The following OVOL2 variants were observed in gnomAD, a reference collection of about 807,000 sequenced individuals.
OVOL2 encodes transcription factor Ovo-like 2.
Under a neutral mutation model 18.1 loss-of-function variants are expected in OVOL2, and 13 were observed. That is an observed-to-expected ratio of 0.72 (90% CI 0.47 to 1.14). OVOL2 has a LOEUF of 1.14. OVOL2 is among the 50% of genes most tolerant of loss of function. OVOL2 has a pLI of 0.00. For synonymous variants in OVOL2, 166 were observed against 162.7 expected (o/e 1.02, Z -0.16); for missense variants, 335 against 383.0 (o/e 0.87, Z 1.05).
At chr20:18,035,881 C>T (rs76500537) in intron 3 of OVOL2, among the ~76,000 whole-genome samples, 18,354 of 152,146 alleles carry the variant, frequency 0.12, 1,210 homozygotes, top group Middle Eastern at 0.16. Flanking sequence ...TATAAGTTAA[C>T]GTTTTGTAGA....
chr20:18,032,902 T>C (rs753505051), intron 3 of OVOL2, among the ~76,000 whole-genome samples: 2 of 152,242 alleles, frequency 1.3e-5, no homozygotes, highest in Non-Finnish European at 1.5e-5. Flanking sequence ...GAAGGGAGTT[T>C]ACATTTTTTT....
chr20:18,057,572 C>T lies in OVOL2; in HGVS notation c.63G>A (p.Glu21=), dbSNP rs1377920184. 1 of 1,596,290 alleles carries T rather than the reference C, an allele frequency of 6.3e-7. No individual in the cohort carries two copies. Among genetic ancestry groups the T allele is most frequent in the Admixed American group, 1.7e-5 (1 of 58,220 alleles). The change falls in exon 1 of 4, where the codon GAG becomes GAA. Residue 21 remains glutamate, a synonymous_variant. Coordinates refer to ENST00000278780, the MANE Select transcript of OVOL2 (RefSeq NM_021220.4). This position sits in a 1 kb window ranked among gnomAD's most constrained non-coding sequence, Gnocchi z 6.3. ...SLGVSVRSWD[E]LPDEKRADTY... is the part of the protein sequence containing the mutation. ...TGTCTGCCCTTTTCTCATCCGGGAG[C>T]TCATCCCAGCTGCGGACCGAGACCC...
At chr20:18,045,966 A>G (rs1461089358) in intron 2 of OVOL2, among the ~76,000 whole-genome samples, 1 of 152,206 alleles carries the variant, frequency 6.6e-6, no homozygotes, top group African/African-American at 2.4e-5. Context: ...AAGCTGAGTC[A>G]CCAAGAAGTG....
chr20:18,053,019 T>C (rs2036783515), intron 2 of OVOL2, among the ~76,000 whole-genome samples: 3 of 152,198 alleles, frequency 2.0e-5, no homozygotes, highest in African/African-American at 7.2e-5. Flanking sequence ...GTTTGGCAAA[T>C]TACAGAATTC....
chr20:18,045,583 G>A (rs1286737834), intron 2 of OVOL2, among the ~76,000 whole-genome samples: 1 of 152,206 alleles, frequency 6.6e-6, no homozygotes, highest in Non-Finnish European at 1.5e-5. Context: ...GACAATTTAA[G>A]GGAGTACAGG....
rs1236919839 is a variant in OVOL2 at position 18,041,575 on chromosome 20, T to A, written c.470A>T (p.Asn157Ile). 2 of 1,614,036 alleles carry A rather than the reference T, an allele frequency of 1.2e-6. No homozygotes were observed. Among genetic ancestry groups the A allele is most frequent in the Non-Finnish European group, 1.7e-6 (2 of 1,179,950 alleles). The part of the protein sequence containing the change: ...HLCTFCGKGF[N>I]DTFDLKRHVR... ...GTGCCTCTTCAGGTCGAAGGTGTCGTTGAAGCCCTTGCCGCAGAAGGTGCA... is the reference window on the plus strand; with the variant it reads ...GTGCCTCTTCAGGTCGAAGGTGTCGATGAAGCCCTTGCCGCAGAAGGTGCA... The change falls in exon 3 of 4, where the codon AAC becomes ATC. Residue 157 changes from asparagine to isoleucine, a missense_variant. Asn to Ile is a moderately radical substitution (Grantham distance 149). Coordinates refer to ENST00000278780, the MANE Select transcript of OVOL2 (RefSeq NM_021220.4).
intron 2 of OVOL2, among the ~76,000 whole-genome samples, chr20:18,055,455 T>C (rs888933991): frequency 1.3e-5 from 2 of 152,178 alleles, no homozygotes; most frequent in African/African-American, 4.8e-5. Flanking sequence ...CAGCTGACTT[T>C]GAACCTCACC....
chr20:18,039,620 AAAG>A lies in OVOL2; in HGVS notation c.511+1911_511+1913del, dbSNP rs1178658197. On this transcript the variant is annotated intron_variant, in intron 3 of 3. Transcript: ENST00000278780. Reference sequence around the variant, plus strand: ...AAGACGCTGTCTCAAAAAAAAAAAAAAAGAAAGAAAGAAAGAAAGAAAAGAAAA... The same window carrying A: ...AAGACGCTGTCTCAAAAAAAAAAAAAAAAGAAAGAAAGAAAGAAAAGAAAA... Among the ~76,000 whole-genome samples the A allele has an allele frequency of 9.3e-4, 118 of 126,872 alleles. 2 individuals carry two copies. The highest frequency in any genetic ancestry group is 3.5e-3 in the African/African-American group (107 of 30,548). The allele number at this position is 126,872 out of a possible 152,430, so 83.2% of individuals were successfully genotyped here. A position where few individuals can be genotyped will look rare whatever the true frequency, so the allele number is the denominator to read the frequency against.
Position 18,056,540 on chromosome 20 carries a change from G to C in OVOL2, c.321+117C>G, listed in dbSNP as rs2036826988. The C allele has an allele frequency of 9.2e-7, 1 of 1,092,388 alleles. No individual in the cohort carries two copies. Among genetic ancestry groups the C allele is most frequent in the Non-Finnish European group, 1.1e-6 (1 of 900,080 alleles). 67.7% of individuals were successfully genotyped at this position (1,092,388 alleles called of 1,614,324 possible). On this transcript the variant is annotated intron_variant, in intron 2 of 3. Coordinates refer to ENST00000278780, the MANE Select transcript of OVOL2 (RefSeq NM_021220.4). This position sits in a 1 kb window ranked among gnomAD's most constrained non-coding sequence, Gnocchi z 4.2. The stretch of plus-strand genomic sequence containing the variant: ...GGTGCAGGAGCGGCGCGGCGGGCGC[G>C]CTCGGGGCGCGGGTGCCGGGTTGCG...
Position 18,056,669 on chromosome 20 carries a change from T to C in OVOL2, c.309A>G (p.Arg103=). 1 of 1,428,402 alleles carries C rather than the reference T, an allele frequency of 7.0e-7. No individual in the cohort carries two copies. The highest frequency in any genetic ancestry group is 1.5e-5 in the African/African-American group (1 of 66,138). 88.5% of individuals were successfully genotyped at this position (1,428,402 alleles called of 1,614,324 possible). A position where few individuals can be genotyped will look rare whatever the true frequency, so the allele number is the denominator to read the frequency against. ...GTCGACACAGTACCTTGATTTTCGA[T>C]CTGGCGACCGGGCGCTGCTTGGTCG... ...HLATKQRPVA[R]SKIKFTTGTC... The change falls in exon 2 of 4, where the codon AGA becomes AGG. Residue 103 remains arginine, a synonymous_variant. Transcript: ENST00000278780. This position sits in a 1 kb window ranked among gnomAD's most constrained non-coding sequence, Gnocchi z 4.2.
chr20:18,035,037 C>T (rs1171370486), intron 3 of OVOL2, among the ~76,000 whole-genome samples: 2 of 152,192 alleles, frequency 1.3e-5, no homozygotes, highest in African/African-American at 2.4e-5. Flanking sequence ...CAAACATACC[C>T]CTCATTTAAC....
chr20:18,029,759 C>A (rs1342236288), intron 3 of OVOL2, among the ~76,000 whole-genome samples: 1 of 152,138 alleles, frequency 6.6e-6, no homozygotes, highest in Admixed American at 6.5e-5. Flanking sequence ...AGGAGGATCT[C>A]TTGAGTCCAG....
chr20:18,029,429 A>C (rs1407330608), intron 3 of OVOL2, among the ~76,000 whole-genome samples: 1 of 152,220 alleles, frequency 6.6e-6, no homozygotes, highest in Admixed American at 6.5e-5. Context: ...GTGTGCAGCC[A>C]AGTATGAAAA....
intron 2 of OVOL2, among the ~76,000 whole-genome samples, chr20:18,051,852 CATCCTGAGT>C (rs1387996034): frequency 6.6e-6 from 1 of 152,230 alleles, no homozygotes; most frequent in Non-Finnish European, 1.5e-5. Context: ...CCTGCCTCAG[CATCCTGAGT>C]AGCCTGAATT....
chr20:18,041,757 G>A (rs1368378617), intron 2 of OVOL2, 34 bp from the exon 3 acceptor site: 1 of 1,587,814 alleles, frequency 6.3e-7, no homozygotes, highest in Admixed American at 1.7e-5. Flanking sequence ...GGGTCCCCGG[G>A]CAGGCAGGCA....
chr20:18,039,293 A>G (rs2036647310), intron 3 of OVOL2, among the ~76,000 whole-genome samples: 2 of 152,164 alleles, frequency 1.3e-5, no homozygotes, highest in African/African-American at 4.8e-5. Context: ...GCACTTTTCT[A>G]GATGTATGTT....
In OVOL2 at chr20:18,056,018, G is replaced by C. The variant is rs1053742837; in HGVS notation, c.321+639C>G. ...GGAGGAAACACTCCAATCCACTGGG[G>C]TAGGGGCGCTCGAGAAATCTGTAGT... On this transcript the variant is annotated intron_variant, in intron 2 of 3. Transcript: ENST00000278780. This position sits in a 1 kb window ranked among gnomAD's most constrained non-coding sequence, Gnocchi z 4.2. Among the ~76,000 whole-genome samples the C allele has an allele frequency of 6.6e-6, 1 of 152,216 alleles. No homozygotes were observed. Among genetic ancestry groups the C allele is most frequent in the African/African-American group, 2.4e-5 (1 of 41,460 alleles).
chr20:18,035,677 G>GC (rs1405718171), intron 3 of OVOL2, among the ~76,000 whole-genome samples: 4 of 152,210 alleles, frequency 2.6e-5, no homozygotes, highest in Non-Finnish European at 5.9e-5. Flanking sequence ...GTGTCAGGAA[G>GC]CCCCCGGCTG....
intron 2 of OVOL2, among the ~76,000 whole-genome samples, chr20:18,041,948 T>C (rs2036675505): frequency 6.6e-6 from 1 of 151,066 alleles, no homozygotes; most frequent in African/African-American, 2.4e-5. Flanking sequence ...CTTACTTTTT[T>C]TGCCCAGGCT....
Sources: gnomAD v4.1 joint callset for allele counts (sites outside exome capture counted in the v4.1 genomes callset) on GRCh38, gnomAD v4.1.1 for gene constraint, Gnocchi (gnomAD v3.1) non-coding constraint, MANE v1.5 for transcripts, NCBI Gene and HGNC (gene_info 2026-07-23, HGNC 2026-07-21) for gene names.